EVC: variants seen among roughly 807,000 people sequenced by gnomAD.
EVC encodes the protein EvC ciliary complex subunit 1.
A neutral mutation model predicts 118.9 loss-of-function variants in EVC; 116 were observed. That is an observed-to-expected ratio of 0.98 (90% CI 0.84 to 1.14). EVC has a LOEUF of 1.14. Among genes scored for constraint, EVC ranks in the 50% most tolerant of loss-of-function variants. EVC has a pLI of 0.00. For synonymous variants in EVC, 619 were observed against 534.7 expected (o/e 1.16, Z -2.18); for missense variants, 1,401 against 1,246.4 (o/e 1.12, Z -1.87).
In EVC at chr4:5,798,993, T is replaced by G. The variant is rs1175090308; in HGVS notation, c.2304+201T>G. 1.3e-5 allele frequency among the ~76,000 whole-genome samples: 2 copies of G among 152,098 alleles called. No individual in the cohort carries two copies. The highest frequency in any genetic ancestry group is 2.9e-5 in the Non-Finnish European group (2 of 68,002). ...AATGGGGAGGGGCAGTCGCAGCAGA[T>G]CACCGGTTCTCCCCCTGCTGTTAGG... On this transcript the variant is annotated intron_variant, in intron 15 of 20. Coordinates refer to ENST00000264956, the MANE Select transcript of EVC (RefSeq NM_153717.3). The surrounding 1 kb of genome is among the most constrained non-coding windows in gnomAD (Gnocchi z 4.1).
rs922893260 is a variant in EVC, at chr4:5,772,138, C to T, written c.1564-11414C>T. On this transcript the variant is annotated intron_variant, in intron 11 of 20. Coordinates refer to ENST00000264956, the MANE Select transcript of EVC (RefSeq NM_153717.3). The stretch of plus-strand genomic sequence containing the variant: ...GTCTCAATCTCCTGACTTCGCGATC[C>T]GCCCGCCTCGGCATCCCACAGTGCT... Among the ~76,000 whole-genome samples, 6 of 152,126 alleles carry T rather than the reference C, an allele frequency of 3.9e-5. 1 individual carries two copies. Among genetic ancestry groups the T allele is most frequent in the African/African-American group, 9.7e-5 (4 of 41,394 alleles).
intron 11 of EVC, among the ~76,000 whole-genome samples, chr4:5,764,296 C>G (rs374650651): frequency 7.2e-6 from 1 of 138,234 alleles, no homozygotes; most frequent in Admixed American, 7.1e-5. Context: ...CTGCTGGATT[C>G]GGTTTGCCAG....
At chr4:5,735,863 G>C (rs575067073) in intron 5 of EVC, among the ~76,000 whole-genome samples, 1 of 152,140 alleles carries the variant, frequency 6.6e-6, no homozygotes, top group Non-Finnish European at 1.5e-5. Context: ...TTCCCAGCAG[G>C]GTCCTTCCTG....
chr4:5,826,080 CCA>C, the EVC span: 22 of 251,540 alleles, frequency 8.7e-5, no homozygotes, highest in Middle Eastern at 1.3e-3. Flanking sequence ...GCATACATGC[CCA>C]CACACACACT....
intron 11 of EVC, among the ~76,000 whole-genome samples, chr4:5,759,462 T>C (rs1476684478): frequency 6.6e-6 from 1 of 152,050 alleles, no homozygotes; most frequent in Non-Finnish European, 1.5e-5. Flanking sequence ...GGGCCACTTA[T>C]TTCCCCTGCC....
intron 11 of EVC, among the ~76,000 whole-genome samples, chr4:5,772,385 T>C (rs1734121453): frequency 6.6e-6 from 1 of 152,048 alleles, no homozygotes; most frequent in Non-Finnish European, 1.5e-5. Context: ...GACCAGGTTA[T>C]GGGCCCATTT....
Position 5,801,185 on chromosome 4 carries a change from C to T in EVC, c.2305-765C>T, listed in dbSNP as rs1425409829. Among the ~76,000 whole-genome samples, 10 of 152,152 alleles carry T rather than the reference C, an allele frequency of 6.6e-5. No individual in the cohort carries two copies. In the East Asian group the frequency reaches 1.5e-3, roughly 23 times the overall value. On this transcript the variant is annotated intron_variant, in intron 15 of 20. Coordinates refer to ENST00000264956, the MANE Select transcript of EVC (RefSeq NM_153717.3). ...CCATACCACAAGAAATGGGGAGGTG[C>T]GTGACCCAGGCTGCCACATTGGCTT... is the stretch of plus-strand genomic sequence containing the variant.
At chr4:5,793,218 A>ATG (rs1428761977) in intron 12 of EVC, among the ~76,000 whole-genome samples, 1 of 152,176 alleles carries the variant, frequency 6.6e-6, no homozygotes, top group Non-Finnish European at 1.5e-5. Context: ...CTGGGACAAG[A>ATG]TGTGTGTGTA....
chr4:5,748,339 G>C, intron 8 of EVC, 33 bp downstream of exon 8: 1 of 1,612,534 alleles, frequency 6.2e-7, no homozygotes. Context: ...GGAACATAAA[G>C]ATATTCAGAC....
chr4:5,775,744 C>T (rs547971850), intron 11 of EVC, among the ~76,000 whole-genome samples: 2 of 152,218 alleles, frequency 1.3e-5, no homozygotes, highest in South Asian at 4.1e-4. Context: ...CGTGAACTTT[C>T]TTGTAGAAGC....
chr4:5,741,921 C>A (rs1022338955), intron 6 of EVC, 107 bp downstream of exon 6: 13 of 596,144 alleles, frequency 2.2e-5, no homozygotes, highest in Non-Finnish European at 3.6e-5. Flanking sequence ...TAGCTTATTA[C>A]AATATATACT....
At position 5,738,140 on chromosome 4, in the gene EVC, T is replaced by C. The variant is rs6851830; in HGVS notation, c.703-3576T>C. ...TCAGTGGAGGAAGTCATTGGAAATG[T>C]GGAAATAGCAAGAAAACTAGGATTA... On this transcript the variant is annotated intron_variant, in intron 5 of 20. Coordinates refer to ENST00000264956, the MANE Select transcript of EVC (RefSeq NM_153717.3). This position sits in a 1 kb window ranked among gnomAD's most constrained non-coding sequence, Gnocchi z 6.5. Among the ~76,000 whole-genome samples, 3,897 of 152,190 alleles carry C rather than the reference T, an allele frequency of 0.026. 164 individuals are homozygous for C. The highest frequency in any genetic ancestry group is 0.088 in the African/African-American group (3,648 of 41,496).
Position 5,802,029 on chromosome 4 carries a change from A to T in EVC, c.2384A>T (p.Gln795Leu). The change falls in exon 16 of 21, where the codon CAG (glutamine) becomes CTG (leucine). Residue 795 changes from glutamine (Q) to leucine (L), a missense_variant. Physicochemically the swap from Gln to Leu is moderately radical, Grantham distance 113 (BLOSUM62 -2). Coordinates refer to ENST00000264956, the MANE Select transcript of EVC (RefSeq NM_153717.3). Reference protein sequence around the residue: ...GVSRLVQAYYQQIGRIMEDHE... With the variant: ...GVSRLVQAYYLQIGRIMEDHE... ...AGCCGCCTGGTGCAGGCGTATTACC[A>T]GCAAATCGGAAGGATCATGGAGGAC... is the stretch of plus-strand genomic sequence containing the variant. 6.2e-7 allele frequency: 1 copy of T among 1,614,242 alleles called. No homozygotes were observed. Among genetic ancestry groups the T allele is most frequent in the East Asian group, 2.2e-5 (1 of 44,886 alleles).
Position 5,797,232 on chromosome 4 carries a change from G to A in EVC, c.2097G>A (p.Leu699=), listed in dbSNP as rs201083145. The stretch of plus-strand genomic sequence containing the variant: ...ATCAGTGGCAGCTGCTCAGGGCCCT[G>A]GTAAGACCAGCATGGTGGCCCCACC... ...DEHQWQLLRA[L]EARVLEEASR... Residue 699 remains leucine (L), a splice_region_variant and synonymous_variant, in exon 14 of 21, where the codon CTG becomes CTA. Transcript: ENST00000264956. 5.0e-6 allele frequency: 8 copies of A among 1,603,720 alleles called. No individual in the cohort carries two copies. The highest frequency in any genetic ancestry group is 2.6e-6 in the Non-Finnish European group (3 of 1,176,316).
At position 5,752,913 on chromosome 4, in the gene EVC, G is replaced by A. The variant is rs752626166; in HGVS notation, c.1176G>A (p.Glu392=). ...IEFLKLQVQE[E]TRCRLAAISH... Reference sequence around the variant, plus strand: ...TTCTGAAGCTGCAAGTCCAGGAGGAGACCAGGTGCCGGCTGGCTGCCATCT... The same window carrying A: ...TTCTGAAGCTGCAAGTCCAGGAGGAAACCAGGTGCCGGCTGGCTGCCATCT... Residue 392 remains glutamate, a synonymous_variant, in exon 9 of 21, where the codon GAG becomes GAA. Coordinates refer to ENST00000264956, the MANE Select transcript of EVC (RefSeq NM_153717.3). 5 of 1,614,230 alleles carry A rather than the reference G, an allele frequency of 3.1e-6. No homozygotes were observed. The South Asian group carries it at 5.5e-5, about 18-fold the overall frequency.
intron 12 of EVC, among the ~76,000 whole-genome samples, chr4:5,791,809 G>A (rs905661502): frequency 6.6e-6 from 1 of 151,972 alleles, no homozygotes; most frequent in Non-Finnish European, 1.5e-5. Context: ...CAGACCCAAC[G>A]TGAACACTGT....
At chr4:5,793,437 G>T in intron 12 of EVC, 171 bp from the exon 13 acceptor site, 2 of 684,308 alleles carry the variant, frequency 2.9e-6, no homozygotes, top group Non-Finnish European at 5.2e-6. Context: ...AAATAGGAAA[G>T]ATTTTAAGGT....
At chr4:5,763,361 T>G (rs910299452) in intron 11 of EVC, among the ~76,000 whole-genome samples, 8 of 147,302 alleles carry the variant, frequency 5.4e-5, no homozygotes, top group Non-Finnish European at 1.2e-4. Flanking sequence ...TTCTTTTGGC[T>G]TAGGATTGAC....
intron 2 of EVC, among the ~76,000 whole-genome samples, chr4:5,721,848 CAG>C (rs1228359014): frequency 2.0e-5 from 3 of 152,134 alleles, no homozygotes; most frequent in Non-Finnish European, 2.9e-5. Context: ...GCTTAAGTGA[CAG>C]AGCAAGACTC....
Sources: gnomAD v4.1 joint callset for allele counts (sites outside exome capture counted in the v4.1 genomes callset) on GRCh38, gnomAD v4.1.1 for gene constraint, Gnocchi (gnomAD v3.1) non-coding constraint, MANE v1.5 for transcripts, NCBI Gene and HGNC (gene_info 2026-07-23, HGNC 2026-07-21) for gene names.